Variants in CNTNAP5 observed in about 807,000 individuals in gnomAD.
The protein encoded by CNTNAP5 is contactin-associated protein-like 5.
In CNTNAP5, 72 loss-of-function variants were observed where a neutral mutation model predicts 150.2. That is an observed-to-expected ratio of 0.48 (90% CI 0.40 to 0.58). The LOEUF (loss-of-function observed/expected upper bound fraction) is 0.58, where lower values mean the gene tolerates loss of function less well. Ranked by LOEUF, CNTNAP5 falls within the 20% of genes least tolerant of loss-of-function variation. The pLI is 0.00. For missense variants in CNTNAP5, 1,636 were observed against 1,626.2 expected (o/e 1.01, Z -0.10); for synonymous variants, 672 against 619.8 (o/e 1.08, Z -1.25).
rs553426975 is a variant in CNTNAP5 at position 124,818,767 on chromosome 2, A to G, written c.3217+20447A>G. The stretch of plus-strand genomic sequence containing the variant: ...AGGGCACCCAGAGCTATCCATTCAC[A>G]GCATGAGAGACCAACTGCATTTCTC... On this transcript the variant is annotated intron_variant, in intron 19 of 23. Transcript: ENST00000682447. 1.2e-4 allele frequency among the ~76,000 whole-genome samples: 18 copies of G among 152,214 alleles called. No homozygotes were observed. In the East Asian group the frequency reaches 1.4e-3, roughly 11 times the overall value.
chr2:124,483,005 G>T (rs1202904364), intron 7 of CNTNAP5, among the ~76,000 whole-genome samples: 1 of 152,080 alleles, frequency 6.6e-6, no homozygotes, highest in Non-Finnish European at 1.5e-5. Context: ...CGGATTACTC[G>T]CTGTTTCTGG....
intron 13 of CNTNAP5, among the ~76,000 whole-genome samples, chr2:124,738,748 A>C (rs1384975879): frequency 6.6e-6 from 1 of 151,820 alleles, no homozygotes; most frequent in Non-Finnish European, 1.5e-5. Flanking sequence ...AAAAGAAAGA[A>C]AGAAAGAAAA....
intron 3 of CNTNAP5, among the ~76,000 whole-genome samples, chr2:124,414,404 G>A (rs548938961): frequency 3.0e-4 from 46 of 152,204 alleles, no homozygotes; most frequent in African/African-American, 1.1e-3. Context: ...GCACCAGGAA[G>A]TCCCTGGGAC....
intron 3 of CNTNAP5, among the ~76,000 whole-genome samples, chr2:124,395,425 T>C (rs1310737350): frequency 2.6e-5 from 4 of 152,070 alleles, no homozygotes; most frequent in Admixed American, 6.6e-5. Flanking sequence ...AGAAACAGCA[T>C]AGGATGTGAC....
intron 13 of CNTNAP5, among the ~76,000 whole-genome samples, chr2:124,725,776 A>T (rs1038796777): frequency 1.3e-5 from 2 of 151,774 alleles, no homozygotes; most frequent in African/African-American, 4.8e-5. Flanking sequence ...TGTGAATTCA[A>T]ATTTTTAGGT....
At chr2:124,629,225 A>G (rs1270668958) in intron 12 of CNTNAP5, among the ~76,000 whole-genome samples, 1 of 152,240 alleles carries the variant, frequency 6.6e-6, no homozygotes, top group Non-Finnish European at 1.5e-5. Context: ...AGATATCTAC[A>G]GAACTCTCTA....
At chr2:124,660,210 A>T (rs1054275891) in intron 13 of CNTNAP5, among the ~76,000 whole-genome samples, 4 of 152,158 alleles carry the variant, frequency 2.6e-5, no homozygotes, top group African/African-American at 9.7e-5. Context: ...AACCATGTGG[A>T]TGGAGGTAGA....
intron 13 of CNTNAP5, among the ~76,000 whole-genome samples, chr2:124,655,941 G>GAAAGAAAGAAAGAAAGAAAGAA (rs1180720883): frequency 1.8e-3 from 102 of 58,100 alleles, no homozygotes; most frequent in African/African-American, 2.7e-3. Flanking sequence ...GAGAGAGAGA[G>GAAAGAAAGAAAGAAAGAAAGAA]AGAGAGAAAG....
At chr2:124,853,693 G>T (rs1461704460) in intron 19 of CNTNAP5, among the ~76,000 whole-genome samples, 1 of 152,106 alleles carries the variant, frequency 6.6e-6, no homozygotes, top group African/African-American at 2.4e-5. Context: ...GGTACATGTT[G>T]AGGTTTGTTA....
At chr2:124,591,313 T>C (rs531857177) in intron 11 of CNTNAP5, among the ~76,000 whole-genome samples, 20 of 152,300 alleles carry the variant, frequency 1.3e-4, no homozygotes, top group African/African-American at 4.3e-4. Context: ...TTAGAGCTTG[T>C]GTAAGATGTA....
At chr2:124,313,123 C>T (rs1688877089) in intron 3 of CNTNAP5, among the ~76,000 whole-genome samples, 1 of 152,222 alleles carries the variant, frequency 6.6e-6, no homozygotes, top group Non-Finnish European at 1.5e-5. Flanking sequence ...TATCATGTTT[C>T]TCACTTAACC....
intron 11 of CNTNAP5, among the ~76,000 whole-genome samples, chr2:124,602,227 A>G (rs1697001795): frequency 6.6e-6 from 1 of 151,068 alleles, no homozygotes; most frequent in African/African-American, 2.4e-5. Context: ...CTGTAATCCC[A>G]GCTACTCGGG....
intron 3 of CNTNAP5, among the ~76,000 whole-genome samples, chr2:124,312,366 G>C (rs2104658750): frequency 6.6e-6 from 1 of 152,072 alleles, no homozygotes; most frequent in East Asian, 1.9e-4. Flanking sequence ...TTATTTTTCT[G>C]AGATGGAGTT....
intron 1 of CNTNAP5, among the ~76,000 whole-genome samples, chr2:124,169,381 G>T: frequency 6.6e-6 from 1 of 152,026 alleles, no homozygotes. Context: ...TAAAAAAATT[G>T]ATTTTGAGGA....
At position 124,108,553 on chromosome 2, in the gene CNTNAP5, G is replaced by A. The variant is rs540656630; in HGVS notation, c.82+82821G>A. Reference sequence around the variant, plus strand: ...TTGCACGTATGATACTGTTGCTCCCGTGCTCTGTGCCATGTCTCAGAAAAG... The same window carrying A: ...TTGCACGTATGATACTGTTGCTCCCATGCTCTGTGCCATGTCTCAGAAAAG... On this transcript the variant is annotated intron_variant, in intron 1 of 23. Coordinates refer to ENST00000682447, the MANE Select transcript of CNTNAP5 (RefSeq NM_001367498.1). 1.6e-4 allele frequency among the ~76,000 whole-genome samples: 24 copies of A among 152,184 alleles called. No individual in the cohort carries two copies. The South Asian group carries it at 4.3e-3, about 28-fold the overall frequency.
At chr2:124,356,114 T>G (rs1016082885) in intron 3 of CNTNAP5, among the ~76,000 whole-genome samples, 2 of 152,142 alleles carry the variant, frequency 1.3e-5, no homozygotes, top group African/African-American at 2.4e-5. Context: ...GAATAAAGAT[T>G]GTCCCATGAT....
At chr2:124,267,774 G>A (rs1464657411) in intron 3 of CNTNAP5, among the ~76,000 whole-genome samples, 1 of 152,172 alleles carries the variant, frequency 6.6e-6, no homozygotes, top group Non-Finnish European at 1.5e-5. Context: ...TATGTTCACA[G>A]CTTGGGAGAA....
intron 1 of CNTNAP5, among the ~76,000 whole-genome samples, chr2:124,072,689 T>C (rs1338443096): frequency 2.0e-5 from 3 of 151,718 alleles, no homozygotes; most frequent in Non-Finnish European, 4.4e-5. Context: ...CAATGAATAT[T>C]ACAAAATATT....
intron 1 of CNTNAP5, among the ~76,000 whole-genome samples, chr2:124,150,046 G>A (rs564997435): frequency 2.4e-4 from 36 of 152,304 alleles, no homozygotes; most frequent in African/African-American, 7.5e-4. Flanking sequence ...CAATGGTGAA[G>A]TGGGAAAGCC....
Sources: gnomAD v4.1 joint callset for allele counts (sites outside exome capture counted in the v4.1 genomes callset) on GRCh38, gnomAD v4.1.1 for gene constraint, MANE v1.5 for transcripts, NCBI Gene and HGNC (gene_info 2026-07-23, HGNC 2026-07-21) for gene names.